Variants in PSMG2 observed in about 807,000 individuals in gnomAD.
The protein encoded by PSMG2 is proteasome assembly chaperone 2.
In PSMG2, 21 loss-of-function variants were observed where a neutral mutation model predicts 31.5. That is an observed-to-expected ratio of 0.67 (90% CI 0.47 to 0.96). The LOEUF is 0.96. PSMG2 is among the 40% of genes least tolerant of loss of function. The pLI, the probability that PSMG2 is intolerant of heterozygous loss-of-function variation, is 0.00. For synonymous variants in PSMG2, 120 were observed against 110.4 expected (o/e 1.09, Z -0.54); for missense variants, 318 against 321.2 (o/e 0.99, Z 0.08).
intron 1 of PSMG2, chr18:12,673,206 A>AT (rs1568008246): frequency 5.2e-6 from 7 of 1,336,300 alleles, no homozygotes; most frequent in East Asian, 2.9e-5. Context: ...GGAATGCATG[A>AT]TTTTTTTTAA....
intron 1 of PSMG2, among the ~76,000 whole-genome samples, chr18:12,695,981 T>C (rs1019862585): frequency 6.6e-6 from 1 of 152,124 alleles, no homozygotes; most frequent in Admixed American, 6.6e-5. Flanking sequence ...TTTCAATCCA[T>C]GCCTGGATTT....
At chr18:12,681,246 A>G (rs1410060668) in intron 1 of PSMG2, among the ~76,000 whole-genome samples, 6 of 148,158 alleles carry the variant, frequency 4.0e-5, no homozygotes, top group Non-Finnish European at 8.9e-5. Flanking sequence ...CACAGAAAGA[A>G]AAGTAGAACA....
At chr18:12,673,074 A>G in intron 1 of PSMG2, 1 of 1,011,670 alleles carries the variant, frequency 9.9e-7, no homozygotes, top group Non-Finnish European at 1.2e-6. Context: ...AATGCATTTT[A>G]TATTAATATT....
chr18:12,720,206 A>G (rs2040417647), intron 4 of PSMG2, among the ~76,000 whole-genome samples: 1 of 152,214 alleles, frequency 6.6e-6, no homozygotes, highest in Non-Finnish European at 1.5e-5. Context: ...CAACAAGCCA[A>G]GAGTTACCTT....
chr18:12,675,731 C>T (rs546995541), intron 1 of PSMG2, among the ~76,000 whole-genome samples: 36 of 152,034 alleles, frequency 2.4e-4, no homozygotes, highest in East Asian at 3.9e-4. Context: ...TGCAGTGGCG[C>T]GATCTCGGCT....
At chr18:12,710,711 A>G (rs141641706) in intron 2 of PSMG2, among the ~76,000 whole-genome samples, 94 of 152,314 alleles carry the variant, frequency 6.2e-4, no homozygotes, top group Middle Eastern at 3.4e-3. Flanking sequence ...TAAAAGGTTA[A>G]TGTTTTGGGG....
chr18:12,722,020 A>C (rs2040435261), intron 5 of PSMG2, among the ~76,000 whole-genome samples: 1 of 151,870 alleles, frequency 6.6e-6, no homozygotes, highest in Admixed American at 6.6e-5. Flanking sequence ...CCTCCTTTCT[A>C]AGAGTCAACT....
At chr18:12,683,555 A>C (rs985503670) in intron 1 of PSMG2, among the ~76,000 whole-genome samples, 2 of 152,104 alleles carry the variant, frequency 1.3e-5, no homozygotes, top group African/African-American at 4.8e-5. Flanking sequence ...GTTCGAGACC[A>C]GCCTAGCCAA....
upstream of PSMG2, chr18:12,702,743 C>T (rs1228424021): frequency 1.6e-6 from 1 of 616,812 alleles, no homozygotes. Context: ...GCGGCGGCGG[C>T]GCCAACTGTT....
At chr18:12,723,003 G>A (rs917792315) in intron 5 of PSMG2, among the ~76,000 whole-genome samples, 1 of 152,232 alleles carries the variant, frequency 6.6e-6, no homozygotes, top group Non-Finnish European at 1.5e-5. Context: ...CAAAGATTGA[G>A]AGCCCCTAAG....
chr18:12,706,358 G>A (rs900671108), intron 1 of PSMG2, among the ~76,000 whole-genome samples, 192 bp from the exon 2 acceptor site: 3 of 152,120 alleles, frequency 2.0e-5, no homozygotes, highest in Non-Finnish European at 2.9e-5. Context: ...GTGGTGGTGC[G>A]CGCCTATAAT....
intron 1 of PSMG2, among the ~76,000 whole-genome samples, chr18:12,686,941 A>G (rs1211715220): frequency 6.6e-6 from 1 of 152,228 alleles, no homozygotes; most frequent in African/African-American, 2.4e-5. Context: ...ACAGGAAACA[A>G]TAATTTGTTA....
chr18:12,705,904 A>G (rs1178197920), intron 1 of PSMG2, among the ~76,000 whole-genome samples: 1 of 152,140 alleles, frequency 6.6e-6, no homozygotes, highest in African/African-American at 2.4e-5. Context: ...TTACCACTGT[A>G]TATTTTAGTG....
intron 3 of PSMG2, among the ~76,000 whole-genome samples, chr18:12,715,662 C>A (rs1205487159): frequency 1.3e-5 from 2 of 152,028 alleles, no homozygotes; most frequent in East Asian, 3.9e-4. Flanking sequence ...CCCGCCACCA[C>A]GCCTGGCTAC....
At chr18:12,697,427 C>T (rs200419906) in intron 1 of PSMG2, 62 of 1,535,116 alleles carry the variant, frequency 4.0e-5, no homozygotes, top group Non-Finnish European at 4.7e-5. Context: ...ATAATCCAAA[C>T]GAAATTATAC....
intron 1 of PSMG2, among the ~76,000 whole-genome samples, chr18:12,686,964 G>C (rs1361648275): frequency 6.6e-5 from 10 of 152,110 alleles, no homozygotes. Flanking sequence ...CAAGTCAATT[G>C]AAAGCAAAAT....
chr18:12,673,300 T>C lies in PSMG2; in HGVS notation c.-37+14527T>C, dbSNP rs906813387. 5.9e-6 allele frequency: 9 copies of C among 1,531,606 alleles called. No individual in the cohort carries two copies. In the Admixed American group the frequency reaches 9.5e-5, roughly 16 times the overall value. The allele number at this position is 1,531,606 out of a possible 1,614,324, so 94.9% of individuals were successfully genotyped here. ...TTAAAATAACAAACCTCTAAATAGC[T>C]AAGTAATGTACAATGTGTAAAATTC... On this transcript the variant is annotated intron_variant, in intron 1 of 6. Coordinates refer to the PSMG2 transcript ENST00000585331.
chr18:12,663,769 G>A (rs1043924086), intron 1 of PSMG2, among the ~76,000 whole-genome samples: 1 of 151,974 alleles, frequency 6.6e-6, no homozygotes, highest in African/African-American at 2.4e-5. Context: ...CTGATTGATT[G>A]TGTGTATGTG....
chr18:12,674,831 T>G, intron 1 of PSMG2: 1 of 804,448 alleles, frequency 1.2e-6, no homozygotes, highest in South Asian at 2.1e-5. Flanking sequence ...ATGTTGATTA[T>G]TTTAATGTAT....
Sources: allele counts gnomAD v4.1 joint callset (sites outside exome capture counted in the v4.1 genomes callset), GRCh38; gene constraint gnomAD v4.1.1; transcripts MANE v1.5; gene names NCBI Gene and HGNC (gene_info 2026-07-23, HGNC 2026-07-21).